The following MTMR10 variants were observed in gnomAD, a reference collection of about 807,000 sequenced individuals.
MTMR10 encodes myotubularin-related protein 10.
In MTMR10, 56 loss-of-function variants were observed where a neutral mutation model predicts 88.1. That is an observed-to-expected ratio of 0.64 (90% CI 0.51 to 0.79). MTMR10 has a LOEUF of 0.79. Among genes scored for constraint, MTMR10 ranks in the 30% least tolerant of loss-of-function variants. The pLI, the probability that MTMR10 is intolerant of heterozygous loss-of-function variation, is 0.00. For missense variants in MTMR10, 883 were observed against 924.7 expected, an observed-to-expected ratio of 0.95 and a Z score of 0.58; for synonymous variants, 380 against 340.9, an observed-to-expected ratio of 1.11 and a Z score of -1.26.
chr15:30,945,164 C>T (rs1198780724), intron 14 of MTMR10, among the ~76,000 whole-genome samples: 1 of 152,018 alleles, frequency 6.6e-6, no homozygotes, highest in Admixed American at 6.6e-5. Flanking sequence ...TGGGCTTTTG[C>T]CTGTGTGGAA....
the MTMR10 span, among the ~76,000 whole-genome samples, chr15:30,918,901 C>T: frequency 6.6e-6 from 1 of 151,956 alleles, no homozygotes; most frequent in East Asian, 1.9e-4. Flanking sequence ...GTTGGGGTAC[C>T]GACCCCTCAG....
chr15:30,948,756 C>T (rs1475973924), intron 12 of MTMR10: 3 of 458,318 alleles, frequency 6.5e-6, no homozygotes, highest in Non-Finnish European at 1.2e-5. Context: ...GTAGAAAATC[C>T]GTCTAGACTC....
At chr15:30,965,478 C>T (rs1052095597) in intron 6 of MTMR10, among the ~76,000 whole-genome samples, 18 of 152,176 alleles carry the variant, frequency 1.2e-4, no homozygotes. Flanking sequence ...AATCTGACAT[C>T]TTATCAATTC....
intron 7 of MTMR10, among the ~76,000 whole-genome samples, chr15:30,959,953 C>A (rs532462335): frequency 6.6e-6 from 1 of 152,256 alleles, no homozygotes; most frequent in Non-Finnish European, 1.5e-5. Flanking sequence ...TCTAGAAGAT[C>A]CCCTAGGGAA....
chr15:30,929,425 T>C, the MTMR10 span: 3 of 1,569,692 alleles, frequency 1.9e-6, no homozygotes, highest in Non-Finnish European at 2.6e-6. Context: ...TGGCAGGATT[T>C]GCTCAGAAAG....
chr15:30,928,034 C>G, the MTMR10 span: 1 of 990,052 alleles, frequency 1.0e-6, no homozygotes, highest in Non-Finnish European at 1.2e-6. Context: ...AGTGTAGTAC[C>G]CAGGGGGATG....
chr15:30,929,033 A>G, the MTMR10 span, among the ~76,000 whole-genome samples: 2 of 152,224 alleles, frequency 1.3e-5, no homozygotes, highest in Admixed American at 6.5e-5. Context: ...TTATTACTCT[A>G]AAAAACAAGT....
chr15:30,991,371 A>C, intron 1 of MTMR10, 76 bp downstream of exon 1: 1 of 1,349,100 alleles, frequency 7.4e-7, no homozygotes, highest in Admixed American at 3.0e-5. Context: ...GGGGTCCTCC[A>C]GTTCCCGGGG....
chr15:30,924,874 G>T, the MTMR10 span, among the ~76,000 whole-genome samples: 1 of 152,170 alleles, frequency 6.6e-6, no homozygotes, highest in Non-Finnish European at 1.5e-5. Context: ...GCAGCTGCTG[G>T]GATCCACTGT....
At chr15:30,946,207 AACTG>A (rs2063169017) in intron 14 of MTMR10, 1 of 152,478 alleles carries the variant, frequency 6.6e-6, no homozygotes, top group South Asian at 2.1e-4. Flanking sequence ...TCAGCTCCTT[AACTG>A]ACCAGTGTGT....
chr15:30,919,378 C>CAA, the MTMR10 span, among the ~76,000 whole-genome samples: 368 of 75,080 alleles, frequency 4.9e-3, 4 homozygotes, highest in African/African-American at 0.019. Context: ...AACTCCGTCT[C>CAA]AAAAAAAAAA....
the MTMR10 span, among the ~76,000 whole-genome samples, chr15:30,925,553 G>A: frequency 6.6e-6 from 1 of 152,178 alleles, no homozygotes; most frequent in Non-Finnish European, 1.5e-5. Flanking sequence ...CATCTGCCCC[G>A]GTTTCATTTA....
At chr15:30,930,710 T>C in the MTMR10 span, 8 of 1,606,576 alleles carry the variant, frequency 5.0e-6, no homozygotes, top group African/African-American at 4.0e-5. Flanking sequence ...TTGGTAACCT[T>C]ATTAGCAACT....
In MTMR10 at chr15:30,940,866, A is replaced by C; in HGVS notation, c.*604T>G. The C allele has an allele frequency of 2.0e-6, 2 of 992,138 alleles. No homozygotes were observed. The highest frequency in any genetic ancestry group is 2.4e-6 in the Non-Finnish European group (2 of 834,000). The allele number at this position is 992,138 out of a possible 1,614,324, so 61.5% of individuals were successfully genotyped here. A position where few individuals can be genotyped will look rare whatever the true frequency, so the allele number is the denominator to read the frequency against. ...CTGCAGCAAATGCTTTAAAATTAAC[A>C]GTGCATATCATTTTAAAGTTGACCC... On this transcript the variant is annotated 3_prime_UTR_variant, in exon 16 of 16. Transcript: ENST00000435680.
At chr15:30,946,926 A>G in intron 14 of MTMR10, 1 of 671,310 alleles carries the variant, frequency 1.5e-6, no homozygotes, top group Non-Finnish European at 2.4e-6. Context: ...TTTACATTAG[A>G]GTAAAACAAA....
chr15:30,925,570 G>A, the MTMR10 span, among the ~76,000 whole-genome samples: 53 of 152,302 alleles, frequency 3.5e-4, no homozygotes, highest in Non-Finnish European at 6.0e-4. Flanking sequence ...TTTACTCACT[G>A]GGGACCTGTA....
rs775743665 is a variant in MTMR10, at chr15:30,942,975, C to T, written c.1646G>A (p.Arg549His). The change falls in exon 15 of 16, where the codon CGC becomes CAC. Residue 549 changes from arginine (R) to histidine (H), a missense_variant. By Grantham distance (29) the Arg-to-His change is conservative. Coordinates refer to ENST00000435680, the MANE Select transcript of MTMR10 (RefSeq NM_017762.3). ...GTAGAAGGGGTTATGGAAAAGGGTG[C>T]GATCCTTTGCTGTAAACTGGAGAGA... Reference protein sequence around the residue: ...DWSLQFTAKDRTLFHNPFYIG... With the variant: ...DWSLQFTAKDHTLFHNPFYIG... 22 of 1,555,636 alleles carry T rather than the reference C, an allele frequency of 1.4e-5. No individual in the cohort carries two copies. The highest frequency in any genetic ancestry group is 1.9e-5 in the Admixed American group (1 of 51,368).
rs796156951 is a variant in MTMR10 at position 30,940,048 on chromosome 15, T to C, written c.*1422A>G. On this transcript the variant is annotated 3_prime_UTR_variant, in exon 16 of 16. Coordinates refer to ENST00000435680, the MANE Select transcript of MTMR10 (RefSeq NM_017762.3). ...CATATAAAGGTAAAATACAGTTATC[T>C]TGAAAACACTTGTTTTAGAAAAGGA... The C allele has an allele frequency of 8.2e-6, 8 of 980,068 alleles. 1 individual carries two copies. In the African/African-American group the frequency reaches 1.4e-4, roughly 17 times the overall value. 60.7% of individuals were successfully genotyped at this position (980,068 alleles called of 1,614,324 possible). A position where few individuals can be genotyped will look rare whatever the true frequency, so the allele number is the denominator to read the frequency against.
rs141315606 is a variant in MTMR10, at chr15:30,957,059, G to A, written c.935+1804C>T. Among the ~76,000 whole-genome samples, 730 of 152,168 alleles carry A rather than the reference G, an allele frequency of 4.8e-3. 4 individuals carry two copies. The highest frequency in any genetic ancestry group is 0.017 in the African/African-American group (703 of 41,498). On this transcript the variant is annotated intron_variant, in intron 9 of 15. Transcript: ENST00000435680. ...CAGTGAATATGGCTCTGTCAGTTACGGTACAGTGGAAAAACCCTACACTCT... is the reference window on the plus strand; with the variant it reads ...CAGTGAATATGGCTCTGTCAGTTACAGTACAGTGGAAAAACCCTACACTCT...
Sources: allele counts gnomAD v4.1 joint callset (sites outside exome capture counted in the v4.1 genomes callset), GRCh38; gene constraint gnomAD v4.1.1; transcripts MANE v1.5; gene names NCBI Gene and HGNC (gene_info 2026-07-23, HGNC 2026-07-21).